RAD54B: variants seen among roughly 807,000 people sequenced by gnomAD.
RAD54B encodes the protein RAD54 homolog B.
RAD54B carries 78 observed loss-of-function variants against 95.8 expected under a neutral mutation model. The observed-to-expected ratio is 0.81, with a 90% confidence interval of 0.68 to 0.98. The LOEUF is 0.98. Among genes scored for constraint, RAD54B ranks in the 50% least tolerant of loss-of-function variants. RAD54B has a pLI of 0.00. For synonymous variants in RAD54B, 328 were observed against 354.9 expected (o/e 0.92, Z 0.85); for missense variants, 957 against 1,056.6 (o/e 0.91, Z 1.31).
intron 14 of RAD54B, among the ~76,000 whole-genome samples, chr8:94,376,760 T>A (rs1810584742): frequency 6.7e-6 from 1 of 148,742 alleles, no homozygotes; most frequent in Non-Finnish European, 1.5e-5. Context: ...ATATATGACA[T>A]ATAACTAATA....
At chr8:94,454,205 G>A (rs961558040) in intron 3 of RAD54B, among the ~76,000 whole-genome samples, 2 of 151,332 alleles carry the variant, frequency 1.3e-5, no homozygotes, top group Admixed American at 6.6e-5. Flanking sequence ...TCATTACATC[G>A]CATATCCAGA....
intron 11 of RAD54B, among the ~76,000 whole-genome samples, chr8:94,383,229 G>A (rs1013532906): frequency 9.8e-5 from 14 of 143,326 alleles, no homozygotes; most frequent in Non-Finnish European, 1.8e-4. Context: ...AGGTTGGAGT[G>A]AGCTGAGATC....
chr8:94,375,066 G>A (rs1810534672), intron 14 of RAD54B, among the ~76,000 whole-genome samples: 1 of 152,170 alleles, frequency 6.6e-6, no homozygotes, highest in African/African-American at 2.4e-5. Flanking sequence ...ACATTCTAGT[G>A]TATTTCTGGG....
chr8:94,422,617 A>ATATATAT (rs1180368787), intron 3 of RAD54B, among the ~76,000 whole-genome samples: 1 of 43,574 alleles, frequency 2.3e-5, no homozygotes, highest in Non-Finnish European at 3.9e-5. Context: ...AAAAAAAAAA[A>ATATATAT]ATATATATAT....
rs1811590594 is a variant in RAD54B at position 94,413,921 on chromosome 8, T to C, written c.305-2606A>G. On this transcript the variant is annotated intron_variant, in intron 3 of 14. Transcript: ENST00000336148. The stretch of plus-strand genomic sequence containing the variant: ...TGTGATCTCGGCTGACTGCAACCTC[T>C]GCCTCCTGGGTTCAAGCGATTCTCC... Among the ~76,000 whole-genome samples the C allele has an allele frequency of 3.3e-5, 5 of 150,066 alleles. No homozygotes were observed. The South Asian group carries it at 1.1e-3, about 32-fold the overall frequency.
chr8:94,403,541 G>A (rs1226508791), intron 6 of RAD54B, among the ~76,000 whole-genome samples: 1 of 152,044 alleles, frequency 6.6e-6, no homozygotes, highest in African/African-American at 2.4e-5. Context: ...GCCAGGCATG[G>A]TGGAGCACGC....
At chr8:94,409,422 G>A (rs979330538) in intron 4 of RAD54B, among the ~76,000 whole-genome samples, 5 of 151,504 alleles carry the variant, frequency 3.3e-5, no homozygotes, top group African/African-American at 1.2e-4. Context: ...CCAGGCTGGA[G>A]TGCAGTGGCA....
chr8:94,395,104 G>C (rs2129994810), intron 8 of RAD54B, among the ~76,000 whole-genome samples: 1 of 152,258 alleles, frequency 6.6e-6, no homozygotes, highest in South Asian at 2.1e-4. Flanking sequence ...ACGGTAGAAG[G>C]ATCACTGTGG....
chr8:94,413,188 T>A (rs1811571130), intron 3 of RAD54B, among the ~76,000 whole-genome samples: 1 of 152,178 alleles, frequency 6.6e-6, no homozygotes, highest in Non-Finnish European at 1.5e-5. Flanking sequence ...TCCCAGGACA[T>A]TTTTAGTAAA....
chr8:94,394,753 C>A (rs1444658170), intron 8 of RAD54B, among the ~76,000 whole-genome samples: 9 of 152,052 alleles, frequency 5.9e-5, no homozygotes, highest in African/African-American at 1.7e-4. Context: ...TATCAGATGG[C>A]TTTCAAATAA....
chr8:94,422,654 A>G (rs1309094918), intron 3 of RAD54B, among the ~76,000 whole-genome samples: 1 of 124,428 alleles, frequency 8.0e-6, no homozygotes. Flanking sequence ...ATATATATAT[A>G]AAATTATCAG....
At chr8:94,434,892 T>G (rs2930963) in intron 3 of RAD54B, among the ~76,000 whole-genome samples, 36,523 of 150,872 alleles carry the variant, frequency 0.24, 5,505 homozygotes, top group East Asian at 0.43. Context: ...AAAAGATTTT[T>G]TGTGTGTGAA....
intron 3 of RAD54B, among the ~76,000 whole-genome samples, chr8:94,454,781 C>T (rs952876400): frequency 1.3e-5 from 2 of 152,252 alleles, no homozygotes; most frequent in Middle Eastern, 3.4e-3. Context: ...AGATCTAGCA[C>T]GAGCGTATAC....
At chr8:94,427,580 GAT>G (rs1169925694) in intron 3 of RAD54B, 140 of 328,362 alleles carry the variant, frequency 4.3e-4, no homozygotes, top group Non-Finnish European at 5.8e-4. Context: ...GTGATATTTA[GAT>G]ATGGTACATT....
At chr8:94,420,782 C>G (rs1215892125) in intron 3 of RAD54B, among the ~76,000 whole-genome samples, 10 of 151,762 alleles carry the variant, frequency 6.6e-5, no homozygotes, top group African/African-American at 2.4e-4. Context: ...GTCAGGAGTT[C>G]GAGACAAGCT....
rs987563056 is a variant in RAD54B, at chr8:94,430,977, C to A, written c.305-19662G>T. On this transcript the variant is annotated intron_variant, in intron 3 of 14. Coordinates refer to ENST00000336148, the MANE Select transcript of RAD54B (RefSeq NM_012415.3). Reference sequence around the variant, plus strand: ...TCCCATTCTTTTGTCTTTTTTCCAGCGTCTCACTCTTGACTTCAAACACCC... The same window carrying A: ...TCCCATTCTTTTGTCTTTTTTCCAGAGTCTCACTCTTGACTTCAAACACCC... 3.0e-6 allele frequency: 3 copies of A among 985,156 alleles called. No individual in the cohort carries two copies. The African/African-American group carries it at 5.2e-5, about 17-fold the overall frequency. The allele number at this position is 985,156 out of a possible 1,614,324, so 61.0% of individuals were successfully genotyped here. A position where few individuals can be genotyped will look rare whatever the true frequency, so the allele number is the denominator to read the frequency against.
At chr8:94,430,324 A>G (rs1256182886) in intron 3 of RAD54B, 3 of 978,756 alleles carry the variant, frequency 3.1e-6, no homozygotes, top group African/African-American at 1.8e-5. Context: ...AAAAAAAAAA[A>G]AAAGTATTTA....
chr8:94,429,111 C>T, intron 3 of RAD54B: 2 of 985,212 alleles, frequency 2.0e-6, no homozygotes, highest in Non-Finnish European at 2.4e-6. Flanking sequence ...AAAGTTGCTG[C>T]AGTAAACTCA....
intron 3 of RAD54B, among the ~76,000 whole-genome samples, chr8:94,439,900 A>G (rs1812359897): frequency 6.6e-6 from 1 of 152,214 alleles, no homozygotes; most frequent in South Asian, 2.1e-4. Flanking sequence ...GACCTAAAAG[A>G]GTGCCTGGCT....
Sources: allele counts gnomAD v4.1 joint callset (sites outside exome capture counted in the v4.1 genomes callset), GRCh38; gene constraint gnomAD v4.1.1; transcripts MANE v1.5; gene names NCBI Gene and HGNC (gene_info 2026-07-23, HGNC 2026-07-21).